LRPPRC: variants seen among roughly 807,000 people sequenced by gnomAD.
The protein encoded by LRPPRC is leucine-rich PPR motif-containing protein, mitochondrial.
LRPPRC carries 120 observed loss-of-function variants against 180.3 expected under a neutral mutation model. The observed-to-expected ratio is 0.67, with a 90% CI of 0.57 to 0.77. The LOEUF is 0.77. LRPPRC is among the 30% of genes least tolerant of loss of function. LRPPRC has a pLI of 0.00. For missense variants in LRPPRC, 2,012 were observed against 1,657.2 expected (o/e 1.21, Z -3.72); for synonymous variants, 723 against 600.0 (o/e 1.21, Z -3.00).
chr2:43,988,931 G>T (rs1228144566), intron 1 of LRPPRC, among the ~76,000 whole-genome samples: 1 of 152,024 alleles, frequency 6.6e-6, no homozygotes. Context: ...GTGCAGTGGT[G>T]CAATTATGGC....
In LRPPRC at chr2:43,947,712, T is replaced by C. The variant is rs772970883; in HGVS notation, c.1965+19A>G. ...TATGGGTATTATAGCATGTAGAATC[T>C]AGTCAAAATCCTACTTACTTTTTGA... On this transcript the variant is annotated intron_variant, in intron 19 of 37. Coordinates refer to ENST00000260665, the MANE Select transcript of LRPPRC (RefSeq NM_133259.4). 6.3e-6 allele frequency: 9 copies of C among 1,430,454 alleles called. 1 individual carries two copies. Among genetic ancestry groups the C allele is most frequent in the South Asian group, 3.4e-5 (3 of 87,116 alleles). 88.6% of individuals were successfully genotyped at this position (1,430,454 alleles called of 1,614,324 possible). A position where few individuals can be genotyped will look rare whatever the true frequency, so the allele number is the denominator to read the frequency against.
chr2:43,939,969 A>T (rs535213409), intron 23 of LRPPRC, among the ~76,000 whole-genome samples: 1 of 152,334 alleles, frequency 6.6e-6, no homozygotes, highest in South Asian at 2.1e-4. Flanking sequence ...TATCAGGCTC[A>T]ACAGGATTTT....
At chr2:43,909,552 T>C (rs1671183234) in intron 30 of LRPPRC, among the ~76,000 whole-genome samples, 1 of 151,838 alleles carries the variant, frequency 6.6e-6, no homozygotes, top group Admixed American at 6.6e-5. Context: ...ACTGTATTTA[T>C]ACTGAAAATT....
chr2:43,959,228 G>A (rs780060968), intron 13 of LRPPRC: 1 of 715,028 alleles, frequency 1.4e-6, no homozygotes, highest in South Asian at 1.5e-5. Context: ...AATCTATATA[G>A]TATACAGAGT....
intron 29 of LRPPRC, among the ~76,000 whole-genome samples, chr2:43,913,097 C>T (rs773217849): frequency 2.0e-4 from 31 of 152,176 alleles, no homozygotes; most frequent in Admixed American, 9.8e-4. Context: ...TATTTGGCTA[C>T]GACAGGACTT....
chr2:43,980,855 T>C (rs1437655316), intron 2 of LRPPRC, among the ~76,000 whole-genome samples: 1 of 151,710 alleles, frequency 6.6e-6, no homozygotes, highest in Non-Finnish European at 1.5e-5. Context: ...GGATGAGGAG[T>C]TGGGTAATTT....
At chr2:43,919,805 T>A (rs915983211) in intron 27 of LRPPRC, among the ~76,000 whole-genome samples, 5 of 152,118 alleles carry the variant, frequency 3.3e-5, no homozygotes, top group African/African-American at 9.7e-5. Flanking sequence ...TGTCTTTTTT[T>A]AATTTGCTAG....
chr2:43,903,319 A>G (rs185381470), intron 31 of LRPPRC: 2 of 152,338 alleles, frequency 1.3e-5, no homozygotes, highest in Admixed American at 1.3e-4. Flanking sequence ...ACACTGTACA[A>G]GTGCCACGTA....
At chr2:43,917,219 C>A (rs1431419092) in intron 29 of LRPPRC, among the ~76,000 whole-genome samples, 1 of 151,422 alleles carries the variant, frequency 6.6e-6, no homozygotes, top group Non-Finnish European at 1.5e-5. Flanking sequence ...TTTGGTATTT[C>A]TAGTAGAGAT....
chr2:43,905,250 TA>T, intron 31 of LRPPRC, among the ~76,000 whole-genome samples: 1 of 152,342 alleles, frequency 6.6e-6, no homozygotes. Flanking sequence ...ACACTCAATT[TA>T]ACTGATTTGG....
At chr2:43,917,065 G>A (rs1305557823) in intron 29 of LRPPRC, among the ~76,000 whole-genome samples, 3 of 130,220 alleles carry the variant, frequency 2.3e-5, no homozygotes, top group Non-Finnish European at 3.2e-5. Context: ...TTTTTGAGAC[G>A]GAGTCTTACT....
At chr2:43,941,135 A>G (rs559746892) in intron 23 of LRPPRC, among the ~76,000 whole-genome samples, 37 of 152,262 alleles carry the variant, frequency 2.4e-4, no homozygotes, top group African/African-American at 8.2e-4. Context: ...AAAACAGTGT[A>G]TTTTTTCTAT....
intron 11 of LRPPRC, among the ~76,000 whole-genome samples, chr2:43,969,891 G>A (rs565848573): frequency 6.6e-6 from 1 of 152,032 alleles, no homozygotes; most frequent in Admixed American, 6.6e-5. Context: ...CCCAAGGCTA[G>A]TCTCAAAATC....
intron 36 of LRPPRC, among the ~76,000 whole-genome samples, chr2:43,891,605 C>T (rs758671991): frequency 1.7e-4 from 26 of 152,288 alleles, no homozygotes; most frequent in Non-Finnish European, 3.5e-4. Flanking sequence ...ACTTGAGAAA[C>T]GTGTTCTGAC....
chr2:43,986,488 T>C (rs1674532064), intron 1 of LRPPRC, among the ~76,000 whole-genome samples: 1 of 152,170 alleles, frequency 6.6e-6, no homozygotes. Flanking sequence ...ATATTATGAA[T>C]CAGTTTAGTG....
chr2:43,889,339 A>AAG (rs56072301), intron 37 of LRPPRC, among the ~76,000 whole-genome samples: 21 of 147,210 alleles, frequency 1.4e-4, no homozygotes, highest in Non-Finnish European at 2.1e-4. Context: ...AAAAAAAAAA[A>AAG]GGCAAAATTT....
chr2:43,994,532 A>C (rs115064781), intron 1 of LRPPRC, among the ~76,000 whole-genome samples: 167 of 152,318 alleles, frequency 1.1e-3, no homozygotes, highest in African/African-American at 3.7e-3. Context: ...TGGAGATGTT[A>C]AGTAACTTCT....
chr2:43,958,660 G>A (rs62135103), intron 13 of LRPPRC, among the ~76,000 whole-genome samples: 30,590 of 152,128 alleles, frequency 0.2, 3,761 homozygotes, highest in African/African-American at 0.33. Context: ...GATCAAATTA[G>A]TTTTCCATGC....
chr2:43,931,072 T>C (rs1313916721), intron 25 of LRPPRC, among the ~76,000 whole-genome samples: 1 of 152,110 alleles, frequency 6.6e-6, no homozygotes, highest in South Asian at 2.1e-4. Context: ...AGTTAAATGA[T>C]GTATGAAATG....
Sources: allele counts gnomAD v4.1 joint callset (sites outside exome capture counted in the v4.1 genomes callset), GRCh38; gene constraint gnomAD v4.1.1; transcripts MANE v1.5; gene names NCBI Gene and HGNC (gene_info 2026-07-23, HGNC 2026-07-21).